The following SNX29 variants were observed in gnomAD, a reference collection of about 807,000 sequenced individuals.
SNX29 encodes sorting nexin 29, also known as sorting nexin-29.
In SNX29, 78 loss-of-function variants were observed where a neutral mutation model predicts 102.1. That is an observed-to-expected ratio of 0.76 (90% CI 0.64 to 0.92). The LOEUF is 0.92. SNX29 is among the 40% of genes least tolerant of loss of function. SNX29 has a pLI of 0.00. For synonymous variants in SNX29, 580 were observed against 414.5 expected (o/e 1.40, Z -4.85); for missense variants, 1,280 against 1,061.7 (o/e 1.21, Z -2.86).
chr16:12,200,303 G>A (rs1349615193), intron 14 of SNX29, among the ~76,000 whole-genome samples: 1 of 152,080 alleles, frequency 6.6e-6, no homozygotes. Flanking sequence ...AATGAGGTGG[G>A]GCCATCTGCT....
At chr16:12,559,015 CAA>C (rs567860904) in intron 20 of SNX29, among the ~76,000 whole-genome samples, 472 of 152,280 alleles carry the variant, frequency 3.1e-3, no homozygotes, top group Non-Finnish European at 3.5e-3. Flanking sequence ...GGGAGAGAGA[CAA>C]AAGACTCCTT....
chr16:12,426,761 G>A (rs1597341753), intron 18 of SNX29, among the ~76,000 whole-genome samples: 1 of 152,194 alleles, frequency 6.6e-6, no homozygotes, highest in African/African-American at 2.4e-5. Context: ...TGCCTCCCGG[G>A]TTCAAGCGAT....
At chr16:12,126,534 A>T in intron 11 of SNX29, 99 bp from the exon 12 acceptor site, 1 of 1,252,620 alleles carries the variant, frequency 8.0e-7, no homozygotes, top group Non-Finnish European at 1.1e-6. Context: ...GAACTTATCT[A>T]GACAAGTCAT....
chr16:12,208,220 G>C (rs554801677), intron 14 of SNX29, among the ~76,000 whole-genome samples: 1 of 152,196 alleles, frequency 6.6e-6, no homozygotes, highest in Non-Finnish European at 1.5e-5. Flanking sequence ...GGAGGGTCTC[G>C]GAAGTGTTCT....
At chr16:12,539,954 A>G (rs935744708) in intron 20 of SNX29, among the ~76,000 whole-genome samples, 7 of 152,258 alleles carry the variant, frequency 4.6e-5, no homozygotes, top group African/African-American at 1.7e-4. Context: ...ACCTTTGTCG[A>G]ACATGTGAGT....
intron 15 of SNX29, among the ~76,000 whole-genome samples, chr16:12,322,933 T>C (rs1468063482): frequency 1.5e-5 from 2 of 134,862 alleles, no homozygotes; most frequent in South Asian, 2.6e-4. Flanking sequence ...GGGACCACTG[T>C]CAGGATGCGG....
intron 18 of SNX29, among the ~76,000 whole-genome samples, chr16:12,442,494 C>G (rs2085851460): frequency 6.6e-6 from 1 of 152,154 alleles, no homozygotes; most frequent in Non-Finnish European, 1.5e-5. Context: ...TCTTTGTAGG[C>G]CGTGCAGCCT....
intron 4 of SNX29, among the ~76,000 whole-genome samples, chr16:12,036,003 A>G (rs966560907): frequency 2.0e-5 from 3 of 152,122 alleles, no homozygotes; most frequent in Admixed American, 1.3e-4. Flanking sequence ...TAGCCTTTGT[A>G]TCTATCACTG....
At chr16:12,333,911 C>T (rs549000949) in intron 15 of SNX29, among the ~76,000 whole-genome samples, 21 of 152,136 alleles carry the variant, frequency 1.4e-4, no homozygotes, top group Middle Eastern at 3.2e-3. Flanking sequence ...AGATGCATCC[C>T]GCGTTTCCGT....
At chr16:12,332,363 C>G (rs2081315163) in intron 15 of SNX29, among the ~76,000 whole-genome samples, 1 of 152,178 alleles carries the variant, frequency 6.6e-6, no homozygotes, top group Non-Finnish European at 1.5e-5. Context: ...TCCATAGTTT[C>G]TGAGCAAATT....
intron 15 of SNX29, among the ~76,000 whole-genome samples, chr16:12,311,019 C>A (rs1210391916): frequency 6.6e-6 from 1 of 152,016 alleles, no homozygotes; most frequent in Non-Finnish European, 1.5e-5. Flanking sequence ...CCTGGGAGGA[C>A]CATAACTTAG....
At chr16:12,428,669 CCTT>C (rs1214013836) in intron 18 of SNX29, among the ~76,000 whole-genome samples, 7 of 152,094 alleles carry the variant, frequency 4.6e-5, no homozygotes, top group Non-Finnish European at 8.8e-5. Flanking sequence ...ATTAATATCT[CCTT>C]CTAGTTAGTC....
intron 18 of SNX29, among the ~76,000 whole-genome samples, chr16:12,465,544 C>G (rs1404561272): frequency 6.6e-6 from 1 of 151,912 alleles, no homozygotes; most frequent in Non-Finnish European, 1.5e-5. Context: ...TACTTCTGGG[C>G]TTTGTTCTGT....
intron 14 of SNX29, among the ~76,000 whole-genome samples, chr16:12,221,554 C>A (rs2077478478): frequency 6.6e-6 from 1 of 152,170 alleles, no homozygotes; most frequent in African/African-American, 2.4e-5. Context: ...GTGGAGGTTG[C>A]AGTAAGCCAA....
chr16:12,428,066 T>C (rs17221996), intron 18 of SNX29, among the ~76,000 whole-genome samples: 13,398 of 152,292 alleles, frequency 0.088, 731 homozygotes, highest in Middle Eastern at 0.17. Flanking sequence ...AGGCCTTAGA[T>C]TCAATACACA....
intron 20 of SNX29, among the ~76,000 whole-genome samples, chr16:12,554,771 C>G (rs576608295): frequency 1.3e-5 from 2 of 152,238 alleles, no homozygotes; most frequent in African/African-American, 4.8e-5. Flanking sequence ...TGCTCTCTCC[C>G]CCGCCATAGA....
intron 18 of SNX29, among the ~76,000 whole-genome samples, chr16:12,410,432 A>C (rs1201283456): frequency 1.3e-5 from 2 of 152,048 alleles, no homozygotes; most frequent in Non-Finnish European, 2.9e-5. Context: ...ACAAAATCAC[A>C]TAGCCTGAGT....
intron 14 of SNX29, among the ~76,000 whole-genome samples, chr16:12,213,012 G>T (rs113031323): frequency 2.0e-5 from 3 of 152,198 alleles, no homozygotes; most frequent in Non-Finnish European, 4.4e-5. Context: ...TACTCGGGAG[G>T]CTGAGGCAGG....
intron 18 of SNX29, among the ~76,000 whole-genome samples, chr16:12,477,467 CTG>C (rs1367387611): frequency 5.3e-5 from 8 of 152,220 alleles, no homozygotes. Flanking sequence ...CTGTGGATCT[CTG>C]TTGATGTTGG....
Sources: gnomAD v4.1 joint callset for allele counts (sites outside exome capture counted in the v4.1 genomes callset) on GRCh38, gnomAD v4.1.1 for gene constraint, MANE v1.5 for transcripts, NCBI Gene and HGNC (gene_info 2026-07-23, HGNC 2026-07-21) for gene names.